KCNQ1: variants seen among roughly 807,000 people sequenced by gnomAD.
The protein encoded by KCNQ1 is potassium voltage-gated channel subfamily KQT member 1.
In KCNQ1, 49 loss-of-function variants were observed where a neutral mutation model predicts 72.4. The ratio of observed to expected loss-of-function variants is 0.68; its 90% CI spans 0.54 to 0.86. The LOEUF is 0.86. KCNQ1 is among the 40% of genes least tolerant of loss of function. KCNQ1 has a pLI of 0.00. For missense variants in KCNQ1, 790 were observed against 945.1 expected, an observed-to-expected ratio of 0.84 and a Z score of 2.15; for synonymous variants, 450 against 412.6, an observed-to-expected ratio of 1.09 and a Z score of -1.10.
At chr11:2,788,622 A>G (rs985420483) in intron 15 of KCNQ1, among the ~76,000 whole-genome samples, 1 of 152,080 alleles carries the variant, frequency 6.6e-6, no homozygotes, top group African/African-American at 2.4e-5. Flanking sequence ...AGGGCCGTAA[A>G]TAGGCAAAGG....
chr11:2,606,587 G>A (rs1370969231), intron 10 of KCNQ1, among the ~76,000 whole-genome samples: 3 of 152,162 alleles, frequency 2.0e-5, no homozygotes, highest in Non-Finnish European at 4.4e-5. Flanking sequence ...ACCAGGAGCA[G>A]GTGCTGGTGC....
intron 10 of KCNQ1, among the ~76,000 whole-genome samples, chr11:2,606,414 G>A (rs1451725441): frequency 6.6e-6 from 1 of 152,140 alleles, no homozygotes; most frequent in East Asian, 1.9e-4. Context: ...GAATGGCTTG[G>A]TACCATCCCC....
intron 15 of KCNQ1, among the ~76,000 whole-genome samples, chr11:2,791,640 G>A (rs1047377735): frequency 5.7e-4 from 87 of 152,090 alleles, no homozygotes; most frequent in African/African-American, 2.1e-3. Flanking sequence ...AGCACGTCCC[G>A]GGCCCTCCCC....
rs927160252 is a variant in KCNQ1, at chr11:2,758,710, A to G, written c.1515-10134A>G. 2.0e-5 allele frequency among the ~76,000 whole-genome samples: 3 copies of G among 152,366 alleles called. No individual in the cohort carries two copies. In the East Asian group the frequency reaches 5.8e-4, roughly 29 times the overall value. On this transcript the variant is annotated intron_variant, in intron 11 of 15. Coordinates refer to ENST00000155840, the MANE Select transcript of KCNQ1 (RefSeq NM_000218.3). ...CAGTGGTGCATCCCTACCCTGAAAC[A>G]CTACCCAGCAGTAGAAAGGAACCCA...
intron 11 of KCNQ1, among the ~76,000 whole-genome samples, chr11:2,701,549 G>A (rs1360190453): frequency 6.6e-6 from 1 of 152,212 alleles, no homozygotes; most frequent in Non-Finnish European, 1.5e-5. Flanking sequence ...CAGACTCAGG[G>A]TTTCACGCTA....
At chr11:2,667,109 G>A (rs539383286) in intron 11 of KCNQ1, 6 of 398,648 alleles carry the variant, frequency 1.5e-5, no homozygotes, top group South Asian at 1.3e-4. Context: ...TAAAACCGAG[G>A]CGTAATGGCT....
rs942572684 is a variant in KCNQ1 at position 2,464,176 on chromosome 11, G to C, written c.386+18692G>C. On this transcript the variant is annotated intron_variant, in intron 1 of 15. Transcript: ENST00000155840. The surrounding 1 kb of genome is among the most constrained non-coding windows in gnomAD (Gnocchi z 5.0). ...CAGCAGATACAAGCTGTACGCAGTG[G>C]GCCGCAGGCGCTCCCTGGGCCGGAA... 3.3e-5 allele frequency among the ~76,000 whole-genome samples: 5 copies of C among 152,156 alleles called. No individual in the cohort carries two copies. Among genetic ancestry groups the C allele is most frequent in the African/African-American group, 4.8e-5 (2 of 41,428 alleles).
intron 10 of KCNQ1, among the ~76,000 whole-genome samples, chr11:2,605,058 C>G (rs2133782163): frequency 6.6e-6 from 1 of 152,330 alleles, no homozygotes; most frequent in East Asian, 1.9e-4. Flanking sequence ...CGTTGAGCAT[C>G]TTTTCATGTG....
rs143915359 is a variant in KCNQ1, at chr11:2,621,127, G to A, written c.1393+32273G>A. The stretch of plus-strand genomic sequence containing the variant: ...TGAGTAGCTGGGATTACAGGTGACC[G>A]CCACCATACCTGGCTAATTTTTGTG... On this transcript the variant is annotated intron_variant, in intron 10 of 15. Coordinates refer to ENST00000155840, the MANE Select transcript of KCNQ1 (RefSeq NM_000218.3). The surrounding 1 kb of genome is among the most constrained non-coding windows in gnomAD (Gnocchi z 5.7). 1,091 of 396,578 alleles carry A rather than the reference G, an allele frequency of 2.8e-3. 12 individuals carry two copies. The highest frequency in any genetic ancestry group is 0.019 in the African/African-American group (912 of 48,610). The allele number at this position is 396,578 out of a possible 1,614,324, so 24.6% of individuals were successfully genotyped here. A position where few individuals can be genotyped will look rare whatever the true frequency, so the allele number is the denominator to read the frequency against.
At chr11:2,485,927 C>T (rs1846733656) in intron 1 of KCNQ1, among the ~76,000 whole-genome samples, 1 of 152,208 alleles carries the variant, frequency 6.6e-6, no homozygotes, top group African/African-American at 2.4e-5. Context: ...CCACATTTTG[C>T]TTATCCATTC....
chr11:2,722,114 G>A (rs1386506598), intron 11 of KCNQ1, among the ~76,000 whole-genome samples: 2 of 152,126 alleles, frequency 1.3e-5, no homozygotes, highest in Non-Finnish European at 2.9e-5. Flanking sequence ...ACAGGGTATG[G>A]GAAGCCCTGT....
In KCNQ1 at chr11:2,604,586, C is replaced by T. The variant is rs566212720; in HGVS notation, c.1393+15732C>T. ...TTTGAGATGAAGTCTTGCTCTGTCGCCAGGCTGGAGTGCAGTGGCGCGATC... is the reference window on the plus strand; with the variant it reads ...TTTGAGATGAAGTCTTGCTCTGTCGTCAGGCTGGAGTGCAGTGGCGCGATC... On this transcript the variant is annotated intron_variant, in intron 10 of 15. Coordinates refer to ENST00000155840, the MANE Select transcript of KCNQ1 (RefSeq NM_000218.3). Among the ~76,000 whole-genome samples the T allele has an allele frequency of 7.4e-4, 113 of 151,832 alleles. No individual in the cohort carries two copies. In the South Asian group the frequency reaches 0.01, roughly 14 times the overall value.
chr11:2,454,052 G>A (rs1300608831), intron 1 of KCNQ1, among the ~76,000 whole-genome samples: 4 of 152,102 alleles, frequency 2.6e-5, no homozygotes, highest in Non-Finnish European at 4.4e-5. Context: ...TTACAGGTAT[G>A]AGCCACCACA....
rs1375504121 is a variant in KCNQ1 at position 2,720,675 on chromosome 11, A to G, written c.1515-48169A>G. On this transcript the variant is annotated intron_variant, in intron 11 of 15. Coordinates refer to ENST00000155840, the MANE Select transcript of KCNQ1 (RefSeq NM_000218.3). This position sits in a 1 kb window ranked among gnomAD's most constrained non-coding sequence, Gnocchi z 5.1. ...CCTTGGCCACTGAAACGGAAACAGC[A>G]TTAGCCACCACCAGCCCCTTCCCCC... 6.6e-6 allele frequency among the ~76,000 whole-genome samples: 1 copy of G among 152,170 alleles called. No individual in the cohort carries two copies. Among genetic ancestry groups the G allele is most frequent in the East Asian group, 1.9e-4 (1 of 5,184 alleles).
intron 1 of KCNQ1, among the ~76,000 whole-genome samples, chr11:2,519,063 T>C (rs950783994): frequency 5.3e-5 from 8 of 151,966 alleles, no homozygotes; most frequent in Non-Finnish European, 1.0e-4. Flanking sequence ...GTGTGGACAA[T>C]GGCAGACAGG....
chr11:2,644,252 A>T (rs752707074), intron 10 of KCNQ1: 3 of 398,500 alleles, frequency 7.5e-6, no homozygotes, highest in Non-Finnish European at 1.3e-5. Context: ...TCCTATAGTC[A>T]CATAGCCTTT....
In KCNQ1 at chr11:2,677,867, C is replaced by T. The variant is rs963824576; in HGVS notation, c.1514+15786C>T. On this transcript the variant is annotated intron_variant, in intron 11 of 15. Transcript: ENST00000155840. The surrounding 1 kb of genome is among the most constrained non-coding windows in gnomAD (Gnocchi z 4.5). ...TGTACCATTTACATCACTTTGACTGCACAAATGCACTTTCTTCCCCCACCC... is the reference window on the plus strand; with the variant it reads ...TGTACCATTTACATCACTTTGACTGTACAAATGCACTTTCTTCCCCCACCC... 1 of 398,356 alleles carries T rather than the reference C, an allele frequency of 2.5e-6. No homozygotes were observed. The highest frequency in any genetic ancestry group is 4.4e-6 in the Non-Finnish European group (1 of 226,026). 24.7% of individuals were successfully genotyped at this position (398,356 alleles called of 1,614,324 possible). A position where few individuals can be genotyped will look rare whatever the true frequency, so the allele number is the denominator to read the frequency against.
At chr11:2,681,691 C>T (rs1000358060) in intron 11 of KCNQ1, 8 of 397,586 alleles carry the variant, frequency 2.0e-5, no homozygotes, top group African/African-American at 1.0e-4. Context: ...ACCAGGCTGC[C>T]GTTGCTTCCC....
intron 10 of KCNQ1, chr11:2,637,499 T>G (rs1372145069): frequency 6.6e-6 from 1 of 152,192 alleles, no homozygotes; most frequent in Admixed American, 6.5e-5. Flanking sequence ...CGGTTTTGAG[T>G]GAGTTTCTTA....
Sources: allele counts gnomAD v4.1 joint callset (sites outside exome capture counted in the v4.1 genomes callset), GRCh38; gene constraint gnomAD v4.1.1; non-coding constraint Gnocchi (gnomAD v3.1); transcripts MANE v1.5; gene names NCBI Gene and HGNC (gene_info 2026-07-23, HGNC 2026-07-21).